Variants in CSMD1 observed in about 807,000 individuals in gnomAD.
CSMD1 encodes the protein CUB and sushi domain-containing protein 1.
Under a neutral mutation model 417.5 loss-of-function variants are expected in CSMD1, and 213 were observed. The observed-to-expected ratio is 0.51, with a 90% CI of 0.46 to 0.57. The LOEUF (loss-of-function observed/expected upper bound fraction) is 0.57. CSMD1 is among the 20% of genes least tolerant of loss of function. CSMD1 has a pLI of 0.00. For synonymous variants in CSMD1, 2,862 were observed against 1,736.8 expected, an observed-to-expected ratio of 1.65 and a Z score of -16.11; for missense variants, 6,923 against 4,529.7, an observed-to-expected ratio of 1.53 and a Z score of -15.17.
At chr8:3,328,863 A>C (rs1806708044) in intron 23 of CSMD1, among the ~76,000 whole-genome samples, 1 of 152,272 alleles carries the variant, frequency 6.6e-6, no homozygotes, top group African/African-American at 2.4e-5. Flanking sequence ...ACTCTTAGTA[A>C]TATCCATGAA....
At chr8:3,182,111 G>A (rs1049987545) in intron 36 of CSMD1, among the ~76,000 whole-genome samples, 1 of 152,026 alleles carries the variant, frequency 6.6e-6, no homozygotes, top group Non-Finnish European at 1.5e-5. Context: ...AAGTACTGCT[G>A]TATAAAGGGA....
At chr8:4,977,420 G>C (rs1308031327) in intron 1 of CSMD1, among the ~76,000 whole-genome samples, 1 of 152,152 alleles carries the variant, frequency 6.6e-6, no homozygotes, top group Non-Finnish European at 1.5e-5. Context: ...GGAGACTGTT[G>C]TGTGTGAGGG....
chr8:4,040,427 G>A lies in CSMD1; in HGVS notation c.416-8328C>T, dbSNP rs1797827174. On this transcript the variant is annotated intron_variant, in intron 3 of 69. Transcript: ENST00000635120. The stretch of plus-strand genomic sequence containing the variant: ...CAAGTAATTTCCAGGACAGGTAACT[G>A]TTAAGAACTGGTAGTAGAGCTTGCA... Among the ~76,000 whole-genome samples, 4 of 152,158 alleles carry A rather than the reference G, an allele frequency of 2.6e-5. No homozygotes were observed. In the South Asian group the frequency reaches 6.2e-4, roughly 24 times the overall value.
chr8:3,083,979 G>C (rs7350093), intron 49 of CSMD1, among the ~76,000 whole-genome samples: 2 of 151,644 alleles, frequency 1.3e-5, no homozygotes, highest in Non-Finnish European at 2.9e-5. Flanking sequence ...TCTATTTTTC[G>C]TTATTACACT....
At chr8:4,836,704 A>G (rs116648683) in intron 1 of CSMD1, among the ~76,000 whole-genome samples, 2,319 of 152,132 alleles carry the variant, frequency 0.015, 55 homozygotes, top group African/African-American at 0.052. Context: ...CCACCTTTCT[A>G]TCATGGAGCA....
intron 12 of CSMD1, among the ~76,000 whole-genome samples, chr8:3,464,317 A>C (rs553766862): frequency 6.6e-6 from 1 of 152,248 alleles, no homozygotes; most frequent in South Asian, 2.1e-4. Flanking sequence ...TGCTTATAAA[A>C]ATATCCAGGG....
At chr8:2,970,419 C>T (rs530160056) in intron 57 of CSMD1, among the ~76,000 whole-genome samples, 21 of 152,282 alleles carry the variant, frequency 1.4e-4, no homozygotes, top group Admixed American at 1.3e-3. Flanking sequence ...TCTTCATACA[C>T]CAAGTTCAGG....
At chr8:3,976,797 T>A (rs776233927) in intron 5 of CSMD1, among the ~76,000 whole-genome samples, 4 of 152,188 alleles carry the variant, frequency 2.6e-5, no homozygotes, top group Non-Finnish European at 5.9e-5. Flanking sequence ...CTGCTCAAGG[T>A]CGCATGCCTG....
At position 3,830,638 on chromosome 8, in the gene CSMD1, G is replaced by A. The variant is rs369710523; in HGVS notation, c.819-76596C>T. On this transcript the variant is annotated intron_variant, in intron 5 of 69. Coordinates refer to ENST00000635120, the MANE Select transcript of CSMD1 (RefSeq NM_033225.6). ...AATATTGATTTAATGCTCTGCCATGGCCAATATCAATGTGCCTAGGAATTC... is the reference window on the plus strand; with the variant it reads ...AATATTGATTTAATGCTCTGCCATGACCAATATCAATGTGCCTAGGAATTC... 2.4e-4 allele frequency among the ~76,000 whole-genome samples: 36 copies of A among 152,164 alleles called. No individual in the cohort carries two copies. The East Asian group carries it at 6.4e-3, about 27-fold the overall frequency.
At chr8:3,374,710 G>T (rs767619379) in intron 18 of CSMD1, among the ~76,000 whole-genome samples, 1 of 152,132 alleles carries the variant, frequency 6.6e-6, no homozygotes, top group Non-Finnish European at 1.5e-5. Flanking sequence ...CCCCGAGACA[G>T]GCTGTCTGCT....
rs753183110 is a variant in CSMD1 at position 2,950,290 on chromosome 8, C to T, written c.10255G>A (p.Gly3419Ser). 3.1e-6 allele frequency: 5 copies of T among 1,613,360 alleles called. No individual in the cohort carries two copies. In the African/African-American group the frequency reaches 6.7e-5, roughly 22 times the overall value. Residue 3419 changes from glycine (G) to serine (S), a missense_variant, in exon 67 of 70, where the codon GGC (glycine) becomes AGC (serine). Coordinates refer to ENST00000635120, the MANE Select transcript of CSMD1 (RefSeq NM_033225.6). ...TTGCTTACAAAAATATCTGCCTGGCCTTTAATTTGAAAAGCTTTCAGGAGT... is the reference window on the plus strand; with the variant it reads ...TTGCTTACAAAAATATCTGCCTGGCTTTTAATTTGAAAAGCTTTCAGGAGT... The part of the protein sequence containing the change: ...HLLLKAFQIK[G>S]QADIFVSKFE...
At chr8:3,580,662 C>T (rs62473878) in intron 9 of CSMD1, among the ~76,000 whole-genome samples, 16,029 of 152,124 alleles carry the variant, frequency 0.11, 1,054 homozygotes, top group Non-Finnish European at 0.14. Context: ...GAAACAGCAG[C>T]AGAAATTTCT....
chr8:4,577,110 T>G (rs1251836599), intron 2 of CSMD1, among the ~76,000 whole-genome samples: 1 of 152,172 alleles, frequency 6.6e-6, no homozygotes, highest in African/African-American at 2.4e-5. Context: ...ATATATAACG[T>G]GTATAATTTA....
At chr8:3,469,585 T>C (rs566189971) in intron 11 of CSMD1, among the ~76,000 whole-genome samples, 1 of 152,270 alleles carries the variant, frequency 6.6e-6, no homozygotes, top group East Asian at 1.9e-4. Context: ...AAAAGCATGT[T>C]GAAATAGAAA....
chr8:3,181,219 A>G lies in CSMD1; in HGVS notation c.5621-5T>C. 6.3e-7 allele frequency: 1 copy of G among 1,596,652 alleles called. No homozygotes were observed. Among genetic ancestry groups the G allele is most frequent in the East Asian group, 2.2e-5 (1 of 44,802 alleles). On this transcript the variant is annotated splice_polypyrimidine_tract_variant and splice_region_variant and intron_variant, in intron 36 of 69. Coordinates refer to ENST00000635120, the MANE Select transcript of CSMD1 (RefSeq NM_033225.6). The stretch of plus-strand genomic sequence containing the variant: ...GCAGTGCCGGTACTGTGGTGCCTGT[A>G]AGAAACAATGCAGATAGAATTGTAA...
intron 5 of CSMD1, among the ~76,000 whole-genome samples, chr8:3,901,585 T>C (rs539101760): frequency 3.9e-4 from 60 of 152,346 alleles, no homozygotes; most frequent in African/African-American, 1.3e-3. Flanking sequence ...TCGGAGAGCC[T>C]TGGGGCTCAG....
intron 22 of CSMD1, among the ~76,000 whole-genome samples, chr8:3,345,864 T>C (rs1807955713): frequency 6.6e-6 from 1 of 152,114 alleles, no homozygotes; most frequent in Admixed American, 6.5e-5. Flanking sequence ...GCAGATTTAT[T>C]TCCAAAATTA....
At chr8:4,029,287 C>T (rs1465808378) in intron 4 of CSMD1, among the ~76,000 whole-genome samples, 15 of 152,084 alleles carry the variant, frequency 9.9e-5, no homozygotes, top group Non-Finnish European at 7.4e-5. Context: ...TAACAAGTTG[C>T]ATTAGTCTGT....
chr8:3,162,053 A>T, intron 38 of CSMD1, 106 bp downstream of exon 38: 2 of 719,968 alleles, frequency 2.8e-6, no homozygotes, highest in South Asian at 3.3e-5. Flanking sequence ...ATGATTCACA[A>T]ACTGAGTGAG....
Sources: allele counts gnomAD v4.1 joint callset (sites outside exome capture counted in the v4.1 genomes callset), GRCh38; gene constraint gnomAD v4.1.1; transcripts MANE v1.5; gene names NCBI Gene and HGNC (gene_info 2026-07-23, HGNC 2026-07-21).